CDH23: variants seen among roughly 807,000 people sequenced by gnomAD.
CDH23 encodes cadherin-23.
CDH23 carries 189 observed loss-of-function variants against 317.1 expected under a neutral mutation model. The ratio of observed to expected loss-of-function variants is 0.60; its 90% confidence interval spans 0.53 to 0.67. The LOEUF (loss-of-function observed/expected upper bound fraction) is 0.67. Among genes scored for constraint, CDH23 ranks in the 30% least tolerant of loss-of-function variants. The pLI is 0.00. For synonymous variants in CDH23, 1,839 were observed against 1,876.8 expected, an observed-to-expected ratio of 0.98 and a Z score of 0.52; for missense variants, 4,401 against 4,592.4, an observed-to-expected ratio of 0.96 and a Z score of 1.20.
chr10:71,752,059 G>C, intron 38 of CDH23: 1 of 716,432 alleles, frequency 1.4e-6, no homozygotes. Flanking sequence ...CCTGTCCTGA[G>C]CTGAGGGCAT....
intron 28 of CDH23, among the ~76,000 whole-genome samples, chr10:71,718,276 G>T (rs1161338206): frequency 1.3e-5 from 2 of 152,190 alleles, no homozygotes; most frequent in East Asian, 3.8e-4. Flanking sequence ...CCCTACCCCA[G>T]GCACTCACCA....
At position 71,815,072 on chromosome 10, in the gene CDH23, G is replaced by C. The variant is rs374102885; in HGVS notation, c.9859G>C (p.Gly3287Arg). ...KGPDGIHVVH[G>R]STGTLLATDL... ...GCCCGATGGGATCCATGTGGTGCAC[G>C]GCAGCACGGGCACGCTGCTGGCCAC... Residue 3287 changes from glycine (G) to arginine (R), a missense_variant, in exon 70 of 70, where the codon GGC (glycine) becomes CGC (arginine). By Grantham distance (125) the Gly-to-Arg change is moderately radical (BLOSUM62 -2). Coordinates refer to ENST00000224721, the MANE Select transcript of CDH23 (RefSeq NM_022124.6). The C allele has an allele frequency of 6.2e-7, 1 of 1,611,588 alleles. No individual in the cohort carries two copies. Among genetic ancestry groups the C allele is most frequent in the Non-Finnish European group, 8.5e-7 (1 of 1,179,258 alleles).
chr10:71,716,265 T>A, intron 28 of CDH23: 1 of 1,536,920 alleles, frequency 6.5e-7, no homozygotes. Context: ...GTCCCGGGAG[T>A]GACGGGAGCT....
intron 57 of CDH23, among the ~76,000 whole-genome samples, chr10:71,806,617 T>C (rs1048192991): frequency 3.3e-5 from 5 of 151,080 alleles, no homozygotes; most frequent in African/African-American, 1.2e-4. Flanking sequence ...TCTCGCTCCG[T>C]TGCCGAGGCT....
chr10:71,621,729 C>T (rs1220653953), intron 11 of CDH23, among the ~76,000 whole-genome samples: 5 of 152,188 alleles, frequency 3.3e-5, no homozygotes, highest in East Asian at 1.9e-4. Context: ...GGATGCTAAT[C>T]GAATTCACTG....
Position 71,651,406 on chromosome 10 carries a change from A to G in CDH23, c.1449+4789A>G, listed in dbSNP as rs538905514. Among the ~76,000 whole-genome samples, 21 of 150,398 alleles carry G rather than the reference A, an allele frequency of 1.4e-4. No homozygotes were observed. The South Asian group carries it at 4.0e-3, about 29-fold the overall frequency. ...AAAAATGCCAGCTGTGGTGGCATAC[A>G]CCTTTAGTTCCAGCTACTGTAGAGG... On this transcript the variant is annotated intron_variant, in intron 14 of 69. Transcript: ENST00000224721.
At chr10:71,468,157 G>A (rs943495922) in intron 3 of CDH23, among the ~76,000 whole-genome samples, 1 of 152,198 alleles carries the variant, frequency 6.6e-6, no homozygotes, top group African/African-American at 2.4e-5. Flanking sequence ...AGCTCTGCCA[G>A]TAAAGCTCCT....
chr10:71,706,739 G>A (rs568284300), intron 25 of CDH23, among the ~76,000 whole-genome samples, 158 bp from the exon 26 acceptor site: 1 of 152,294 alleles, frequency 6.6e-6, no homozygotes, highest in African/African-American at 2.4e-5. Context: ...GGGGCCCTGG[G>A]CTTATGGCCA....
At position 71,725,514 on chromosome 10, in the gene CDH23, C is replaced by T. The variant is rs898833044; in HGVS notation, c.3573C>T (p.Ser1191=). 2.2e-5 allele frequency: 36 copies of T among 1,612,886 alleles called. No homozygotes were observed. The highest frequency in any genetic ancestry group is 8.4e-5 in the Admixed American group (5 of 59,876). ...ACGACCTGGGCCCCATGCGGAGCTC[C>T]GTCAGGGTGAGGCTAGGGGCGGGCT... ...YNHDLGPMRS[S]VRVIVYVEDI... is the part of the protein sequence containing the mutation. Residue 1191 remains serine, a synonymous_variant, in exon 30 of 70, where the codon TCC becomes TCT. Coordinates refer to ENST00000224721, the MANE Select transcript of CDH23 (RefSeq NM_022124.6).
intron 17 of CDH23, among the ~76,000 whole-genome samples, chr10:71,681,102 A>G (rs1371220662): frequency 1.3e-5 from 2 of 152,006 alleles, no homozygotes; most frequent in Non-Finnish European, 2.9e-5. Context: ...TGCTGGGATT[A>G]CAGGTGTGAG....
chr10:71,517,143 C>T (rs998793810), intron 6 of CDH23, among the ~76,000 whole-genome samples: 10 of 152,198 alleles, frequency 6.6e-5, no homozygotes, highest in Admixed American at 5.2e-4. Flanking sequence ...ACAAAAGGAA[C>T]ATTTACACAA....
chr10:71,536,957 G>GGAAT (rs1855738527), intron 6 of CDH23, among the ~76,000 whole-genome samples: 1 of 152,102 alleles, frequency 6.6e-6, no homozygotes, highest in African/African-American at 2.4e-5. Context: ...CTATAAAACT[G>GGAAT]GAATGAGAGG....
chr10:71,398,678 G>C (rs191919105), intron 1 of CDH23, among the ~76,000 whole-genome samples: 350 of 152,268 alleles, frequency 2.3e-3, no homozygotes, highest in Admixed American at 5.9e-3. Context: ...GGGGGCACTA[G>C]ATGTTACTCT....
At chr10:71,537,158 T>G (rs13377110) in intron 6 of CDH23, among the ~76,000 whole-genome samples, 4,019 of 152,042 alleles carry the variant, frequency 0.026, 184 homozygotes, top group African/African-American at 0.092. Context: ...AAGAGGCAAG[T>G]GCCCACCCTT....
chr10:71,495,943 G>T (rs900266902), intron 3 of CDH23, among the ~76,000 whole-genome samples: 2 of 152,236 alleles, frequency 1.3e-5, no homozygotes, highest in African/African-American at 4.8e-5. Context: ...GGCAGCATTA[G>T]TGGCAATTGG....
At chr10:71,719,262 C>T (rs11812858) in intron 28 of CDH23, among the ~76,000 whole-genome samples, 5,695 of 152,222 alleles carry the variant, frequency 0.037, 383 homozygotes, top group African/African-American at 0.13. Context: ...CCAGCTAGTA[C>T]TGGGAGAGGA....
intron 2 of CDH23, among the ~76,000 whole-genome samples, chr10:71,443,994 T>C (rs1474586502): frequency 6.6e-6 from 1 of 152,350 alleles, no homozygotes; most frequent in Admixed American, 6.5e-5. Context: ...AAATGAACGA[T>C]GCCACTGCAG....
At chr10:71,733,968 G>T (rs556173040) in intron 32 of CDH23, among the ~76,000 whole-genome samples, 6 of 152,188 alleles carry the variant, frequency 3.9e-5, no homozygotes, top group African/African-American at 4.8e-5. Context: ...AAATCAGAGC[G>T]CCACAAGAAG....
chr10:71,632,632 T>C (rs1372230838), intron 11 of CDH23, among the ~76,000 whole-genome samples: 1 of 152,050 alleles, frequency 6.6e-6, no homozygotes, highest in African/African-American at 2.4e-5. Flanking sequence ...GGGGAGGGGC[T>C]AGATGGAGAA....
Sources: gnomAD v4.1 joint callset for allele counts (sites outside exome capture counted in the v4.1 genomes callset) on GRCh38, gnomAD v4.1.1 for gene constraint, MANE v1.5 for transcripts, NCBI Gene and HGNC (gene_info 2026-07-23, HGNC 2026-07-21) for gene names.